Variants in MCC observed in about 807,000 individuals in gnomAD.
The protein encoded by MCC is colorectal mutant cancer protein.
In MCC, 90 loss-of-function variants were observed where a neutral mutation model predicts 116.2. That is an observed-to-expected ratio of 0.77 (90% CI 0.65 to 0.92). MCC has a LOEUF of 0.92. Among genes scored for constraint, MCC ranks in the 40% least tolerant of loss-of-function variants. The pLI, the probability that MCC is intolerant of heterozygous loss-of-function variation, is 0.00. For missense variants in MCC, 1,516 were observed against 1,312.2 expected (o/e 1.16, Z -2.40); for synonymous variants, 578 against 510.5 (o/e 1.13, Z -1.78).
chr5:113,290,451 G>A (rs1415710424), intron 3 of MCC, among the ~76,000 whole-genome samples: 3 of 152,156 alleles, frequency 2.0e-5, no homozygotes, highest in Non-Finnish European at 2.9e-5. Flanking sequence ...ATTGCCATGG[G>A]AGAAATTTTT....
chr5:113,278,223 C>A (rs914306028), intron 3 of MCC, among the ~76,000 whole-genome samples: 1 of 152,166 alleles, frequency 6.6e-6, no homozygotes, highest in Admixed American at 6.5e-5. Flanking sequence ...TGGACAAGAT[C>A]CTTAACCTGT....
At chr5:113,031,801 T>C (rs1328582984) in intron 17 of MCC, among the ~76,000 whole-genome samples, 6 of 152,090 alleles carry the variant, frequency 3.9e-5, no homozygotes, top group African/African-American at 1.2e-4. Flanking sequence ...GGGAACTTTC[T>C]GGATCTGGCA....
intron 1 of MCC, among the ~76,000 whole-genome samples, chr5:113,424,576 G>T (rs1044088774): frequency 6.6e-6 from 1 of 152,052 alleles, no homozygotes; most frequent in South Asian, 2.1e-4. Flanking sequence ...TTAGCTGGGT[G>T]TGGTGGCAGG....
chr5:113,034,893 T>C (rs878076), intron 17 of MCC, among the ~76,000 whole-genome samples: 117,665 of 152,152 alleles, frequency 0.77, 45,999 homozygotes, highest in Non-Finnish European at 0.84. Context: ...TTCTGCTTCA[T>C]TGGCTGCTCC....
At chr5:113,309,076 C>T (rs1395196353) in intron 3 of MCC, among the ~76,000 whole-genome samples, 1 of 152,210 alleles carries the variant, frequency 6.6e-6, no homozygotes, top group Non-Finnish European at 1.5e-5. Flanking sequence ...TACTCAATTA[C>T]ATTGTCCAAT....
chr5:113,277,949 G>A (rs566041809), intron 3 of MCC, among the ~76,000 whole-genome samples: 11 of 152,252 alleles, frequency 7.2e-5, no homozygotes, highest in African/African-American at 2.4e-4. Flanking sequence ...CTCAAACTCA[G>A]AATGCCCAAA....
intron 6 of MCC, among the ~76,000 whole-genome samples, chr5:113,106,660 A>T (rs571807844): frequency 4.3e-4 from 66 of 152,280 alleles, no homozygotes; most frequent in African/African-American, 1.6e-3. Flanking sequence ...CTTGGGTTCA[A>T]CCTATCGTCC....
At chr5:113,231,324 T>C (rs1220792201) in intron 3 of MCC, among the ~76,000 whole-genome samples, 1 of 152,206 alleles carries the variant, frequency 6.6e-6, no homozygotes, top group Non-Finnish European at 1.5e-5. Context: ...GGAGTTCAGT[T>C]TGTATTACAT....
At chr5:113,349,780 T>A (rs911664259) in intron 2 of MCC, among the ~76,000 whole-genome samples, 1 of 152,044 alleles carries the variant, frequency 6.6e-6, no homozygotes, top group African/African-American at 2.4e-5. Flanking sequence ...TATTATCTTA[T>A]ATTTGGAAAA....
At chr5:113,255,962 T>C (rs1361174599) in intron 3 of MCC, among the ~76,000 whole-genome samples, 2 of 152,236 alleles carry the variant, frequency 1.3e-5, no homozygotes, top group African/African-American at 4.8e-5. Context: ...TTTGATCTGA[T>C]TCAGCCACAT....
At chr5:113,280,076 C>A (rs908074036) in intron 3 of MCC, among the ~76,000 whole-genome samples, 1 of 152,250 alleles carries the variant, frequency 6.6e-6, no homozygotes, top group South Asian at 2.1e-4. Flanking sequence ...GGCCTCCACA[C>A]TGATCTCTTC....
At chr5:113,363,221 G>A (rs1768591111) in intron 2 of MCC, among the ~76,000 whole-genome samples, 1 of 152,162 alleles carries the variant, frequency 6.6e-6, no homozygotes, top group Non-Finnish European at 1.5e-5. Context: ...AAGTTGCAGT[G>A]AGCCGAGATC....
At chr5:113,138,977 A>G (rs1385099774) in intron 5 of MCC, among the ~76,000 whole-genome samples, 2 of 152,196 alleles carry the variant, frequency 1.3e-5, no homozygotes, top group Non-Finnish European at 2.9e-5. Flanking sequence ...GATGACAAGT[A>G]AAGTCTCTGT....
intron 3 of MCC, among the ~76,000 whole-genome samples, chr5:113,279,357 T>C (rs1324998844): frequency 6.6e-6 from 1 of 152,186 alleles, no homozygotes; most frequent in Non-Finnish European, 1.5e-5. Context: ...GTATTGTGAA[T>C]GAAATTCACC....
chr5:113,039,916 A>G (rs1389666785), intron 17 of MCC, among the ~76,000 whole-genome samples: 1 of 152,086 alleles, frequency 6.6e-6, no homozygotes, highest in Non-Finnish European at 1.5e-5. Context: ...TAGATCACTT[A>G]CTTGGTGGAA....
intron 3 of MCC, among the ~76,000 whole-genome samples, chr5:113,339,380 A>G (rs932268553): frequency 6.6e-6 from 1 of 151,040 alleles, no homozygotes; most frequent in African/African-American, 2.5e-5. Flanking sequence ...ATTATTAACT[A>G]AAGTCCATAT....
intron 6 of MCC, among the ~76,000 whole-genome samples, chr5:113,109,757 A>G (rs946666190): frequency 4.6e-5 from 7 of 152,350 alleles, no homozygotes; most frequent in African/African-American, 1.7e-4. Context: ...CAGCACATTC[A>G]GAAAGGATTT....
At chr5:113,117,524 T>C (rs1243942755) in intron 6 of MCC, among the ~76,000 whole-genome samples, 2 of 152,224 alleles carry the variant, frequency 1.3e-5, no homozygotes, top group Non-Finnish European at 2.9e-5. Context: ...GAGGGTATAA[T>C]AGTTTGATAT....
chr5:113,058,854 C>T (rs1753015678), intron 14 of MCC, among the ~76,000 whole-genome samples: 1 of 152,216 alleles, frequency 6.6e-6, no homozygotes, highest in African/African-American at 2.4e-5. Flanking sequence ...AGAAGGTGGC[C>T]ACTTTCCTGA....
Sources: allele counts gnomAD v4.1 joint callset (sites outside exome capture counted in the v4.1 genomes callset), GRCh38; gene constraint gnomAD v4.1.1; transcripts MANE v1.5; gene names NCBI Gene and HGNC (gene_info 2026-07-23, HGNC 2026-07-21).